The following DKK2 variants were observed in gnomAD, a reference collection of about 807,000 sequenced individuals.
DKK2 encodes the protein dickkopf-related protein 2.
DKK2 carries 11 observed loss-of-function variants against 28.1 expected under a neutral mutation model. The observed-to-expected ratio is 0.39, with a 90% CI of 0.25 to 0.65. The LOEUF (loss-of-function observed/expected upper bound fraction) is 0.65, where lower values mean the gene tolerates loss of function less well. Ranked by LOEUF, DKK2 falls within the 30% of genes least tolerant of loss-of-function variation. The pLI is 0.47. For missense variants in DKK2, 326 were observed against 335.5 expected, an observed-to-expected ratio of 0.97 and a Z score of 0.22; for synonymous variants, 135 against 126.5, an observed-to-expected ratio of 1.07 and a Z score of -0.45.
intron 1 of DKK2, among the ~76,000 whole-genome samples, chr4:107,019,319 T>A (rs1723658250): frequency 6.6e-6 from 1 of 151,936 alleles, no homozygotes; most frequent in South Asian, 2.1e-4. Context: ...TGAAACTGAG[T>A]CACATGGGAT....
At chr4:106,986,396 TTGTC>T (rs1723121398) in intron 1 of DKK2, among the ~76,000 whole-genome samples, 2 of 152,318 alleles carry the variant, frequency 1.3e-5, no homozygotes, top group Non-Finnish European at 2.9e-5. Flanking sequence ...ATGGAAGTCA[TTGTC>T]TGTTGTGAAG....
intron 1 of DKK2, among the ~76,000 whole-genome samples, chr4:106,962,858 CAGAT>C (rs1409182445): frequency 1.3e-5 from 2 of 151,804 alleles, no homozygotes; most frequent in Admixed American, 6.6e-5. Context: ...AACTGCACCT[CAGAT>C]AAAGGATTAA....
intron 1 of DKK2, among the ~76,000 whole-genome samples, chr4:107,025,614 C>T (rs987168782): frequency 1.3e-5 from 2 of 152,182 alleles, no homozygotes; most frequent in African/African-American, 4.8e-5. Flanking sequence ...CCACTTTTGT[C>T]CCTTCTTTTG....
intron 1 of DKK2, among the ~76,000 whole-genome samples, chr4:106,995,121 A>G (rs983101915): frequency 1.3e-5 from 2 of 152,122 alleles, no homozygotes; most frequent in African/African-American, 4.8e-5. Flanking sequence ...AAATTTAATA[A>G]TATTAAATAT....
At chr4:107,035,133 C>G (rs566234894) in intron 1 of DKK2, among the ~76,000 whole-genome samples, 2 of 152,240 alleles carry the variant, frequency 1.3e-5, no homozygotes, top group East Asian at 1.9e-4. Context: ...GTGCCCACGC[C>G]CCAGAGCAAA....
intron 1 of DKK2, among the ~76,000 whole-genome samples, chr4:106,937,416 ACTAT>A (rs1439524017): frequency 7.6e-6 from 1 of 131,748 alleles, no homozygotes; most frequent in Non-Finnish European, 1.6e-5. Flanking sequence ...AGAAGAGCTA[ACTAT>A]CCTAAATATA....
chr4:106,975,754 A>G (rs1722936598), intron 1 of DKK2, among the ~76,000 whole-genome samples: 1 of 152,056 alleles, frequency 6.6e-6, no homozygotes, highest in African/African-American at 2.4e-5. Flanking sequence ...TTCCACTCGA[A>G]TCTTAGTTAT....
intron 1 of DKK2, among the ~76,000 whole-genome samples, chr4:106,972,770 C>T (rs1256644037): frequency 6.6e-6 from 1 of 151,986 alleles, no homozygotes; most frequent in Non-Finnish European, 1.5e-5. Flanking sequence ...TTTAAGTTCT[C>T]AGATACATTT....
At chr4:107,018,974 T>G (rs527271945) in intron 1 of DKK2, among the ~76,000 whole-genome samples, 2 of 152,182 alleles carry the variant, frequency 1.3e-5, no homozygotes, top group South Asian at 4.1e-4. Flanking sequence ...ATGTTATTTT[T>G]TGTTGGTGGT....
chr4:107,010,888 A>G (rs1723507361), intron 1 of DKK2, among the ~76,000 whole-genome samples: 1 of 151,114 alleles, frequency 6.6e-6, no homozygotes, highest in African/African-American at 2.4e-5. Flanking sequence ...TAATATAAAT[A>G]ATATATTTTA....
At chr4:106,997,020 A>T (rs1723281910) in intron 1 of DKK2, among the ~76,000 whole-genome samples, 1 of 152,202 alleles carries the variant, frequency 6.6e-6, no homozygotes, top group Non-Finnish European at 1.5e-5. Context: ...AAATTGGCAC[A>T]GAATTGCCTT....
chr4:107,028,949 T>G (rs1158801620), intron 1 of DKK2, among the ~76,000 whole-genome samples: 1 of 152,178 alleles, frequency 6.6e-6, no homozygotes, highest in Non-Finnish European at 1.5e-5. Context: ...AGAATCTACT[T>G]TCTACTTGGG....
At chr4:106,954,093 T>C (rs1722545381) in intron 1 of DKK2, among the ~76,000 whole-genome samples, 3 of 152,214 alleles carry the variant, frequency 2.0e-5, no homozygotes, top group Admixed American at 2.0e-4. Context: ...GAAATATTTT[T>C]AAAAGTTATT....
intron 1 of DKK2, among the ~76,000 whole-genome samples, chr4:106,958,286 A>G (rs926654725): frequency 6.6e-6 from 1 of 152,034 alleles, no homozygotes; most frequent in Admixed American, 6.6e-5. Context: ...TCAAAACTAG[A>G]TGCAAACCCG....
chr4:106,995,161 CA>C lies in DKK2; in HGVS notation c.222+40208del, dbSNP rs1723253652. Reference sequence around the variant, plus strand: ...TTAAGATTAGTAATATTTCTAACATCATTTTCTAAGGCAACTTCTTTGAGAA... The same window carrying C: ...TTAAGATTAGTAATATTTCTAACATCTTTTCTAAGGCAACTTCTTTGAGAA... On this transcript the variant is annotated intron_variant, in intron 1 of 3. Transcript: ENST00000285311. 3.3e-5 allele frequency among the ~76,000 whole-genome samples: 5 copies of C among 152,084 alleles called. No homozygotes were observed. In the South Asian group the frequency reaches 1.0e-3, roughly 32 times the overall value.
intron 1 of DKK2, among the ~76,000 whole-genome samples, chr4:107,028,640 C>A (rs1164514678): frequency 6.6e-6 from 1 of 152,138 alleles, no homozygotes; most frequent in Non-Finnish European, 1.5e-5. Context: ...GAATTTAAAA[C>A]CTGTTTGAAA....
Position 107,036,150 on chromosome 4 carries a change from C to A in DKK2, c.-559G>T, listed in dbSNP as rs1401305360. 6.5e-6 allele frequency: 1 copy of A among 153,404 alleles called. No homozygotes were observed. The highest frequency in any genetic ancestry group is 2.4e-5 in the African/African-American group (1 of 41,460). 9.5% of individuals were successfully genotyped at this position (153,404 alleles called of 1,614,324 possible). A position where few individuals can be genotyped will look rare whatever the true frequency, so the allele number is the denominator to read the frequency against. On this transcript the variant is annotated 5_prime_UTR_variant, in exon 1 of 4. Transcript: ENST00000285311. ...AGGAGACGTCCCCGGACCGAATCCTCGAGATCTGAAGAGAATCGAGGTCCC... is the reference window on the plus strand; with the variant it reads ...AGGAGACGTCCCCGGACCGAATCCTAGAGATCTGAAGAGAATCGAGGTCCC...
chr4:106,985,691 C>A (rs143080753), intron 1 of DKK2, among the ~76,000 whole-genome samples: 1 of 151,548 alleles, frequency 6.6e-6, no homozygotes. Context: ...CGCCTGTAAT[C>A]CCAACTATAC....
chr4:106,976,540 T>C (rs1722948487), intron 1 of DKK2, among the ~76,000 whole-genome samples: 1 of 152,226 alleles, frequency 6.6e-6, no homozygotes, highest in Non-Finnish European at 1.5e-5. Context: ...AAGTCTGTTT[T>C]ATCAGAGACT....
Sources: allele counts gnomAD v4.1 joint callset (sites outside exome capture counted in the v4.1 genomes callset), GRCh38; gene constraint gnomAD v4.1.1; transcripts MANE v1.5; gene names NCBI Gene and HGNC (gene_info 2026-07-23, HGNC 2026-07-21).